Variants in RABL6 observed in about 807,000 individuals in gnomAD.
The protein encoded by RABL6 is rab-like protein 6.
Under a neutral mutation model 72.9 loss-of-function variants are expected in RABL6, and 28 were observed. The ratio of observed to expected loss-of-function variants is 0.38; its 90% CI spans 0.28 to 0.53. RABL6 has a LOEUF of 0.53. RABL6 is among the 20% of genes least tolerant of loss of function. The probability of loss-of-function intolerance (pLI) is 0.80; values close to 1 mark genes in which losing one functional copy is unlikely to be tolerated. For missense variants in RABL6, 1,029 were observed against 1,008.4 expected (o/e 1.02, Z -0.28); for synonymous variants, 477 against 421.2 (o/e 1.13, Z -1.62).
At chr9:136,824,129 C>T (rs1355042409) in intron 2 of RABL6, among the ~76,000 whole-genome samples, 2 of 152,048 alleles carry the variant, frequency 1.3e-5, no homozygotes, top group Admixed American at 6.6e-5. Context: ...GTGGGATAGA[C>T]CCCTCCCCCA....
At chr9:136,818,741 T>TC (rs1420316472) in intron 1 of RABL6, among the ~76,000 whole-genome samples, 1 of 141,352 alleles carries the variant, frequency 7.1e-6, no homozygotes, top group Non-Finnish European at 1.5e-5. Context: ...TGAGACTTAA[T>TC]CAAAAAAAAA....
chr9:136,827,542 A>C (rs1848385764), intron 3 of RABL6: 1 of 152,276 alleles, frequency 6.6e-6, no homozygotes, highest in Non-Finnish European at 1.5e-5. Flanking sequence ...GGCTGTGAGC[A>C]TCCTTCCTGG....
In RABL6 at chr9:136,835,778, C is replaced by A. The variant is rs780531456; in HGVS notation, c.742C>A (p.Leu248Met). ...TLLRQLETNQLDMDATLEELS... is the reference protein window; with the variant it reads ...TLLRQLETNQMDMDATLEELS... ...GTTGCGGCAGCTGGAGACGAACCAG[C>A]TGGACATGGACGCCACGCTGGAGGA... The change falls in exon 8 of 15, where the codon CTG becomes ATG. Residue 248 changes from leucine to methionine, a missense_variant. This residue lies in a region of RABL6 where 434 missense variants were observed against 536.1 expected (regional missense o/e 0.81). Coordinates refer to ENST00000311502, the MANE Select transcript of RABL6 (RefSeq NM_024718.5). 25 of 1,551,822 alleles carry A rather than the reference C, an allele frequency of 1.6e-5. No individual in the cohort carries two copies. The South Asian group carries it at 2.7e-4, about 17-fold the overall frequency.
At chr9:136,816,446 G>T (rs1848120735) in intron 1 of RABL6, among the ~76,000 whole-genome samples, 1 of 151,212 alleles carries the variant, frequency 6.6e-6, no homozygotes, top group Non-Finnish European at 1.5e-5. Flanking sequence ...TGGGCATGGT[G>T]CCTCACTCCT....
chr9:136,818,035 C>CTTT (rs1848155361), intron 1 of RABL6, among the ~76,000 whole-genome samples: 1 of 129,104 alleles, frequency 7.7e-6, no homozygotes, highest in African/African-American at 3.0e-5. Context: ...GCACTCCAGC[C>CTTT]TGGGCAACAG....
At chr9:136,811,084 G>A (rs1848001653) in intron 1 of RABL6, among the ~76,000 whole-genome samples, 1 of 152,188 alleles carries the variant, frequency 6.6e-6, no homozygotes, top group African/African-American at 2.4e-5. Flanking sequence ...GGATGAAAAA[G>A]TCAAACTCTG....
chr9:136,835,599 C>T, intron 7 of RABL6, 143 bp from the exon 8 acceptor site: 1 of 684,858 alleles, frequency 1.5e-6, no homozygotes, highest in Non-Finnish European at 2.5e-6. Flanking sequence ...GCGCAGAGCT[C>T]CATGAGTTGC....
At chr9:136,833,929 C>G (rs774695032) in intron 7 of RABL6, 3 of 1,549,190 alleles carry the variant, frequency 1.9e-6, no homozygotes, top group Non-Finnish European at 2.6e-6. Flanking sequence ...CCTTAGAGAG[C>G]TCCCCACTGC....
At chr9:136,832,004 T>TGAAGCCTGGGTCTCCCC in intron 6 of RABL6, 143 bp downstream of exon 6, 1 of 1,266,614 alleles carries the variant, frequency 7.9e-7, no homozygotes, top group Non-Finnish European at 1.1e-6. Flanking sequence ...TGGGGCTCAC[T>TGAAGCCTGGGTCTCCCC]GAAGCCTGGG....
chr9:136,810,927 A>T (rs576508564), intron 1 of RABL6, among the ~76,000 whole-genome samples: 8 of 152,106 alleles, frequency 5.3e-5, no homozygotes, highest in Non-Finnish European at 1.2e-4. Context: ...TGGGGGTGAG[A>T]GTTTCTGGGA....
At chr9:136,810,546 CT>C (rs1262560369) in intron 1 of RABL6, among the ~76,000 whole-genome samples, 1 of 151,888 alleles carries the variant, frequency 6.6e-6, no homozygotes, top group African/African-American at 2.4e-5. Context: ...CTTTTCTTTT[CT>C]TTTTTGAGAC....
At chr9:136,819,031 A>G (rs1188213079) in intron 1 of RABL6, among the ~76,000 whole-genome samples, 2 of 152,182 alleles carry the variant, frequency 1.3e-5, no homozygotes, top group African/African-American at 4.8e-5. Context: ...TCTGAAAACC[A>G]CCTTGTCCAG....
chr9:136,832,199 CA>C (rs1160113253), intron 6 of RABL6, 65 bp from the exon 7 acceptor site: 4 of 1,448,452 alleles, frequency 2.8e-6, no homozygotes, highest in South Asian at 2.3e-5. Context: ...GCTGTGGGCC[CA>C]GGGGTGATCC....
At chr9:136,828,296 C>T (rs1486602684) in intron 3 of RABL6, 198 bp from the exon 4 acceptor site, 2 of 591,704 alleles carry the variant, frequency 3.4e-6, no homozygotes, top group South Asian at 2.0e-5. Context: ...CCAGCCCTGC[C>T]TCCAGAGCCT....
At chr9:136,825,695 C>G in intron 2 of RABL6, 84 bp from the exon 3 acceptor site, 15 of 1,475,610 alleles carry the variant, frequency 1.0e-5, no homozygotes, top group Non-Finnish European at 1.4e-5. Context: ...CTGCGGGGCA[C>G]AGACAACCAC....
In RABL6 at chr9:136,840,751, C is replaced by T. The variant is rs1171943888; in HGVS notation, c.*229C>T. On this transcript the variant is annotated 3_prime_UTR_variant, in exon 15 of 15. Transcript: ENST00000311502. Reference sequence around the variant, plus strand: ...GAAGGGAGGGGACAGCTGGCTTCAGCCAGGCTCGGTGGACACCCTGGCCCT... The same window carrying T: ...GAAGGGAGGGGACAGCTGGCTTCAGTCAGGCTCGGTGGACACCCTGGCCCT... 6.5e-7 allele frequency: 1 copy of T among 1,548,214 alleles called. No individual in the cohort carries two copies.
intron 1 of RABL6, chr9:136,813,505 G>C: frequency 2.2e-6 from 1 of 444,524 alleles, no homozygotes; most frequent in Non-Finnish European, 4.1e-6. Context: ...TCTGTTCCCT[G>C]CGTTTCTTCA....
chr9:136,808,170 C>T lies in RABL6; in HGVS notation c.-27C>T. The T allele has an allele frequency of 6.7e-7, 1 of 1,483,084 alleles. No individual in the cohort carries two copies. The allele number at this position is 1,483,084 out of a possible 1,614,324, so 91.9% of individuals were successfully genotyped here. ...GCCGCCGCTGAGCTCGCCGGCCGCG[C>T]CCGGGCTGGGACGTCCGAGCGGGAA... On this transcript the variant is annotated 5_prime_UTR_variant, in exon 1 of 15. Coordinates refer to ENST00000311502, the MANE Select transcript of RABL6 (RefSeq NM_024718.5).
Position 136,839,444 on chromosome 9 carries a change from C to T in RABL6, c.1716C>T (p.Asp572=). ...AAQMLSFVMD[D]PDFESEGSDT... is the part of the protein sequence containing the mutation. Reference sequence around the variant, plus strand: ...AAATGCTGTCCTTCGTCATGGATGACCCCGACTTTGAGAGCGAGGGATCAG... The same window carrying T: ...AAATGCTGTCCTTCGTCATGGATGATCCCGACTTTGAGAGCGAGGGATCAG... Residue 572 remains aspartate (D), a synonymous_variant, in exon 12 of 15, where the codon GAC becomes GAT. Coordinates refer to ENST00000311502, the MANE Select transcript of RABL6 (RefSeq NM_024718.5). 6.2e-7 allele frequency: 1 copy of T among 1,612,560 alleles called. No individual in the cohort carries two copies. Among genetic ancestry groups the T allele is most frequent in the South Asian group, 1.1e-5 (1 of 91,044 alleles).
Sources: gnomAD v4.1 joint callset for allele counts (sites outside exome capture counted in the v4.1 genomes callset) on GRCh38, gnomAD v4.1.1 for gene constraint, gnomAD v4.1.1 regional missense constraint, MANE v1.5 for transcripts, NCBI Gene and HGNC (gene_info 2026-07-23, HGNC 2026-07-21) for gene names.